The following CERS6 variants were observed in gnomAD, a reference collection of about 807,000 sequenced individuals.
CERS6 encodes the protein LAG1 homolog, ceramide synthase 6.
A neutral mutation model predicts 56.8 loss-of-function variants in CERS6; 26 were observed. The ratio of observed to expected loss-of-function variants is 0.46; its 90% CI spans 0.34 to 0.63. The LOEUF is 0.63. CERS6 is among the 30% of genes least tolerant of loss of function. CERS6 has a pLI of 0.01. For missense variants in CERS6, 415 were observed against 467.5 expected, an observed-to-expected ratio of 0.89 and a Z score of 1.04; for synonymous variants, 164 against 173.3, an observed-to-expected ratio of 0.95 and a Z score of 0.42.
chr2:168,464,622 A>G (rs1484381022), intron 1 of CERS6, among the ~76,000 whole-genome samples: 1 of 151,392 alleles, frequency 6.6e-6, no homozygotes, highest in East Asian at 2.0e-4. Flanking sequence ...TGAGGCAGAG[A>G]GAAAGGGCTG....
At chr2:168,586,554 T>G (rs1683546801) in intron 3 of CERS6, among the ~76,000 whole-genome samples, 1 of 152,216 alleles carries the variant, frequency 6.6e-6, no homozygotes, top group Non-Finnish European at 1.5e-5. Flanking sequence ...AGACTGTGTT[T>G]ATTGGAAATA....
chr2:168,488,080 T>C (rs573393575), intron 1 of CERS6, among the ~76,000 whole-genome samples: 11 of 152,326 alleles, frequency 7.2e-5, no homozygotes, highest in Admixed American at 3.3e-4. Context: ...CCTGTGTATA[T>C]AGGAATTTAG....
chr2:168,507,407 C>T (rs72875903), intron 1 of CERS6, among the ~76,000 whole-genome samples: 15 of 152,152 alleles, frequency 9.9e-5, no homozygotes, highest in Non-Finnish European at 1.5e-4. Flanking sequence ...AGTTTTAAAG[C>T]GCATAGGCCT....
chr2:168,678,182 C>T (rs1438472900), intron 4 of CERS6, among the ~76,000 whole-genome samples: 2 of 152,198 alleles, frequency 1.3e-5, no homozygotes, highest in Non-Finnish European at 2.9e-5. Context: ...AACACAGTGA[C>T]AAAGGCAAAC....
intron 3 of CERS6, among the ~76,000 whole-genome samples, chr2:168,611,075 C>T (rs1013297784): frequency 7.2e-5 from 11 of 152,160 alleles, no homozygotes; most frequent in African/African-American, 2.7e-4. Context: ...TCTCAAAGTA[C>T]TGGGATTACA....
intron 1 of CERS6, among the ~76,000 whole-genome samples, chr2:168,524,521 C>A (rs1334044123): frequency 1.3e-5 from 2 of 152,154 alleles, no homozygotes; most frequent in Non-Finnish European, 2.9e-5. Context: ...GGAATTGAGA[C>A]ACCCAAGTCA....
intron 1 of CERS6, among the ~76,000 whole-genome samples, chr2:168,505,129 C>T (rs1694652588): frequency 6.6e-6 from 1 of 151,926 alleles, no homozygotes; most frequent in Non-Finnish European, 1.5e-5. Flanking sequence ...GTAATACCAG[C>T]ACTTTGGGAG....
At chr2:168,716,738 A>C (rs1420327148) in intron 7 of CERS6, among the ~76,000 whole-genome samples, 2 of 152,166 alleles carry the variant, frequency 1.3e-5, no homozygotes, top group African/African-American at 4.8e-5. Context: ...GTACCTTTTA[A>C]CATAATTTAT....
chr2:168,626,034 T>G (rs762477605), intron 3 of CERS6, among the ~76,000 whole-genome samples: 1 of 152,158 alleles, frequency 6.6e-6, no homozygotes, highest in Non-Finnish European at 1.5e-5. Flanking sequence ...GGTTAAGAGT[T>G]TGGATGCTGG....
At chr2:168,657,915 T>A (rs1163725325) in intron 4 of CERS6, among the ~76,000 whole-genome samples, 1 of 152,178 alleles carries the variant, frequency 6.6e-6, no homozygotes, top group Non-Finnish European at 1.5e-5. Context: ...GAAGGGCTCC[T>A]CAAATGCCAC....
chr2:168,520,355 A>C (rs532651666), intron 1 of CERS6, among the ~76,000 whole-genome samples: 1 of 152,114 alleles, frequency 6.6e-6, no homozygotes, highest in African/African-American at 2.4e-5. Flanking sequence ...ATAGTTTGCA[A>C]ATAGTTTCTC....
At chr2:168,669,929 TG>T (rs1323323984) in intron 4 of CERS6, among the ~76,000 whole-genome samples, 3 of 152,224 alleles carry the variant, frequency 2.0e-5, no homozygotes, top group Non-Finnish European at 4.4e-5. Flanking sequence ...AAGAATTAAG[TG>T]TTTATCATAT....
chr2:168,581,810 G>A (rs949353661), intron 3 of CERS6, among the ~76,000 whole-genome samples: 1 of 152,174 alleles, frequency 6.6e-6, no homozygotes, highest in Non-Finnish European at 1.5e-5. Flanking sequence ...TTCCTTGTGT[G>A]CTTAATTGTG....
intron 4 of CERS6, among the ~76,000 whole-genome samples, chr2:168,662,519 A>G (rs1305860964): frequency 2.0e-5 from 3 of 152,152 alleles, no homozygotes; most frequent in Non-Finnish European, 4.4e-5. Context: ...ACCTGAGGTC[A>G]GGAGTTCAAG....
chr2:168,624,284 T>C (rs1243804181), intron 3 of CERS6, among the ~76,000 whole-genome samples: 1 of 152,174 alleles, frequency 6.6e-6, no homozygotes, highest in Non-Finnish European at 1.5e-5. Context: ...ACAGAGATGG[T>C]AGCAGCAGAG....
intron 2 of CERS6, among the ~76,000 whole-genome samples, chr2:168,557,757 A>G (rs1417998301): frequency 6.6e-6 from 1 of 152,220 alleles, no homozygotes; most frequent in African/African-American, 2.4e-5. Flanking sequence ...AAATGTAGAA[A>G]CTATAACAGA....
intron 3 of CERS6, among the ~76,000 whole-genome samples, chr2:168,588,890 C>T (rs576865483): frequency 3.3e-5 from 5 of 152,316 alleles, no homozygotes; most frequent in Admixed American, 6.5e-5. Flanking sequence ...AGGCATGTGC[C>T]ACCACGCCTG....
chr2:168,760,757 TA>T lies in CERS6; in HGVS notation c.846-4834del, dbSNP rs757024113. Among the ~76,000 whole-genome samples, 367 of 151,918 alleles carry T rather than the reference TA, an allele frequency of 2.4e-3. 1 individual carries two copies. Among genetic ancestry groups the T allele is most frequent in the Middle Eastern group, 6.8e-3 (2 of 292 alleles). On this transcript the variant is annotated intron_variant, in intron 8 of 9. Coordinates refer to ENST00000305747, the MANE Select transcript of CERS6 (RefSeq NM_203463.3). Reference sequence around the variant, plus strand: ...CTGTTTGTTTATTTATTTATTTATTTATTTATTTATTTTTTTGAGACGGAGT... The same window carrying T: ...CTGTTTGTTTATTTATTTATTTATTTTTTATTTATTTTTTTGAGACGGAGT...
chr2:168,743,664 G>A (rs1047586479), intron 8 of CERS6, among the ~76,000 whole-genome samples: 3 of 152,156 alleles, frequency 2.0e-5, no homozygotes, highest in African/African-American at 7.2e-5. Flanking sequence ...GAAACTTGAT[G>A]GTACTGACTG....
Sources: gnomAD v4.1 joint callset for allele counts (sites outside exome capture counted in the v4.1 genomes callset) on GRCh38, gnomAD v4.1.1 for gene constraint, MANE v1.5 for transcripts, NCBI Gene and HGNC (gene_info 2026-07-23, HGNC 2026-07-21) for gene names.